The following RPTOR variants were observed in gnomAD, a reference collection of about 807,000 sequenced individuals.
The protein encoded by RPTOR is regulatory associated protein of MTOR complex 1, also known as regulatory-associated protein of mTOR.
A neutral mutation model predicts 169.9 loss-of-function variants in RPTOR; 21 were observed. That is an observed-to-expected ratio of 0.12 (90% CI 0.09 to 0.18). The LOEUF (loss-of-function observed/expected upper bound fraction) is 0.18. Ranked by LOEUF, RPTOR falls within the 10% of genes least tolerant of loss-of-function variation. RPTOR has a pLI of 1.00. For synonymous variants in RPTOR, 732 were observed against 753.2 expected, an observed-to-expected ratio of 0.97 and a Z score of 0.46; for missense variants, 1,133 against 1,855.9, an observed-to-expected ratio of 0.61 and a Z score of 7.16.
At chr17:80,810,432 C>A (rs1266987944) in intron 7 of RPTOR, among the ~76,000 whole-genome samples, 1 of 152,034 alleles carries the variant, frequency 6.6e-6, no homozygotes, top group Non-Finnish European at 1.5e-5. Context: ...TCCTTGGTGC[C>A]TTTGACAAAA....
chr17:80,839,169 GT>G, intron 10 of RPTOR, among the ~76,000 whole-genome samples: 1 of 152,258 alleles, frequency 6.6e-6, no homozygotes, highest in East Asian at 1.9e-4. Flanking sequence ...GTGAGTGGGT[GT>G]GCATGAGGTG....
chr17:80,705,206 G>A lies in RPTOR; in HGVS notation c.349-2635G>A, dbSNP rs145387446. On this transcript the variant is annotated intron_variant, in intron 3 of 33. Coordinates refer to ENST00000306801, the MANE Select transcript of RPTOR (RefSeq NM_020761.3). The stretch of plus-strand genomic sequence containing the variant: ...AGATGAAAATGGACTTGAAGATCCC[G>A]CGTTATCAGTTGGTTAGCTCTCTCT... 7.9e-5 allele frequency among the ~76,000 whole-genome samples: 12 copies of A among 152,382 alleles called. No homozygotes were observed. The East Asian group carries it at 1.7e-3, about 22-fold the overall frequency.
chr17:80,838,791 C>T (rs2067594657), intron 10 of RPTOR, among the ~76,000 whole-genome samples: 1 of 152,198 alleles, frequency 6.6e-6, no homozygotes, highest in Non-Finnish European at 1.5e-5. Context: ...CCGTGTCAGG[C>T]TCCAGAGCCA....
At chr17:80,933,689 C>T (rs957515842) in intron 24 of RPTOR, among the ~76,000 whole-genome samples, 1 of 152,202 alleles carries the variant, frequency 6.6e-6, no homozygotes, top group East Asian at 1.9e-4. Context: ...GAACAACTCA[C>T]GCTTCCTGAT....
intron 28 of RPTOR, among the ~76,000 whole-genome samples, chr17:80,954,821 G>A (rs2069228175): frequency 6.6e-6 from 1 of 152,146 alleles, no homozygotes; most frequent in Non-Finnish European, 1.5e-5. Flanking sequence ...GGAGGCTGAG[G>A]CAGGAGAATC....
intron 7 of RPTOR, among the ~76,000 whole-genome samples, chr17:80,818,805 C>G (rs1476291737): frequency 1.3e-5 from 2 of 152,188 alleles, no homozygotes; most frequent in African/African-American, 2.4e-5. Context: ...GTGATCATCA[C>G]AAGATACCAA....
intron 9 of RPTOR, among the ~76,000 whole-genome samples, chr17:80,835,322 A>T (rs1279953127): frequency 6.6e-6 from 1 of 152,146 alleles, no homozygotes; most frequent in Non-Finnish European, 1.5e-5. Flanking sequence ...TTGAGAAAAT[A>T]TGCCCTTTGA....
chr17:80,708,805 G>T lies in RPTOR; in HGVS notation c.507+806G>T, dbSNP rs116489565. 7.0e-3 allele frequency: 2,212 copies of T among 317,946 alleles called. 66 individuals are homozygous for T. Among genetic ancestry groups the T allele is most frequent in the African/African-American group, 0.046 (2,068 of 44,566 alleles). The allele number at this position is 317,946 out of a possible 1,614,324, so 19.7% of individuals were successfully genotyped here. On this transcript the variant is annotated intron_variant, in intron 4 of 33. Coordinates refer to ENST00000306801, the MANE Select transcript of RPTOR (RefSeq NM_020761.3). This position sits in a 1 kb window ranked among gnomAD's most constrained non-coding sequence, Gnocchi z 4.2. Reference sequence around the variant, plus strand: ...AAAGCAGTTCTTGGAGGGTGCGGTGGCCCCATATGTGCCTGAGCGTGTCTA... The same window carrying T: ...AAAGCAGTTCTTGGAGGGTGCGGTGTCCCCATATGTGCCTGAGCGTGTCTA...
At chr17:80,857,530 A>G (rs905427193) in intron 12 of RPTOR, among the ~76,000 whole-genome samples, 1 of 152,248 alleles carries the variant, frequency 6.6e-6, no homozygotes, top group Admixed American at 6.5e-5. Flanking sequence ...CTGCGCCTCC[A>G]CAAGGAAAAG....
chr17:80,680,594 A>G (rs1247387914), intron 3 of RPTOR, among the ~76,000 whole-genome samples: 1 of 152,214 alleles, frequency 6.6e-6, no homozygotes, highest in African/African-American at 2.4e-5. Context: ...GAGCCACTGC[A>G]CTTCAGCCTG....
chr17:80,659,965 G>T lies in RPTOR; in HGVS notation c.348+16155G>T, dbSNP rs531071738. Among the ~76,000 whole-genome samples the T allele has an allele frequency of 2.4e-4, 37 of 152,104 alleles. No homozygotes were observed. The South Asian group carries it at 7.3e-3, about 30-fold the overall frequency. On this transcript the variant is annotated intron_variant, in intron 3 of 33. Coordinates refer to ENST00000306801, the MANE Select transcript of RPTOR (RefSeq NM_020761.3). This position sits in a 1 kb window ranked among gnomAD's most constrained non-coding sequence, Gnocchi z 4.3. ...CCTGGCCTGCAGGTAATATTCTTTT[G>T]TGTATATATAAGAATTTAAATGAGG...
At chr17:80,698,297 C>A (rs1342654076) in intron 3 of RPTOR, among the ~76,000 whole-genome samples, 1 of 152,100 alleles carries the variant, frequency 6.6e-6, no homozygotes, top group African/African-American at 2.4e-5. Context: ...GAGGGGCTGC[C>A]GCCCCACCCC....
At chr17:80,577,614 C>T (rs1036823634) in intron 1 of RPTOR, among the ~76,000 whole-genome samples, 3 of 152,160 alleles carry the variant, frequency 2.0e-5, no homozygotes, top group African/African-American at 7.2e-5. Flanking sequence ...ACGGAAGTCA[C>T]TGAAGAATTG....
chr17:80,731,117 A>C (rs1172897560), intron 5 of RPTOR, among the ~76,000 whole-genome samples: 5 of 152,140 alleles, frequency 3.3e-5, no homozygotes, highest in Non-Finnish European at 7.4e-5. Flanking sequence ...GGGCTCAAGC[A>C]ACGCGTGTGC....
At chr17:80,937,990 C>A (rs1419941089) in intron 24 of RPTOR, among the ~76,000 whole-genome samples, 2 of 152,254 alleles carry the variant, frequency 1.3e-5, no homozygotes, top group African/African-American at 4.8e-5. Flanking sequence ...AAAGTCTCTT[C>A]CCAGCCCAGC....
chr17:80,769,434 C>T (rs2143406114), intron 6 of RPTOR, among the ~76,000 whole-genome samples: 1 of 152,358 alleles, frequency 6.6e-6, no homozygotes, highest in Middle Eastern at 3.4e-3. Flanking sequence ...CCGAGTGCTG[C>T]TTACTTGCAG....
At chr17:80,564,343 G>A (rs766702787) in intron 1 of RPTOR, among the ~76,000 whole-genome samples, 27 of 151,952 alleles carry the variant, frequency 1.8e-4, no homozygotes, top group Non-Finnish European at 3.1e-4. Context: ...ACCACAGCTC[G>A]CATGTCTTTT....
intron 3 of RPTOR, among the ~76,000 whole-genome samples, chr17:80,673,604 T>C (rs1017650294): frequency 2.0e-5 from 3 of 152,248 alleles, no homozygotes; most frequent in Admixed American, 1.3e-4. Flanking sequence ...TCCAGATTGC[T>C]CTTGCTTTGA....
chr17:80,953,095 C>T (rs2069203685), intron 28 of RPTOR, among the ~76,000 whole-genome samples: 1 of 152,036 alleles, frequency 6.6e-6, no homozygotes, highest in Non-Finnish European at 1.5e-5. Context: ...GATCTCCTGA[C>T]CTCAGGTGAT....
Sources: gnomAD v4.1 joint callset for allele counts (sites outside exome capture counted in the v4.1 genomes callset) on GRCh38, gnomAD v4.1.1 for gene constraint, Gnocchi (gnomAD v3.1) non-coding constraint, MANE v1.5 for transcripts, NCBI Gene and HGNC (gene_info 2026-07-23, HGNC 2026-07-21) for gene names.